The following FBN3 variants were observed in gnomAD, a reference collection of about 807,000 sequenced individuals.
The protein encoded by FBN3 is fibrillin 3, also known as fibrillin-3.
FBN3 carries 234 observed loss-of-function variants against 330.1 expected under a neutral mutation model. The ratio of observed to expected loss-of-function variants is 0.71; its 90% CI spans 0.64 to 0.79. FBN3 has a LOEUF of 0.79. FBN3 is among the 30% of genes least tolerant of loss of function. FBN3 has a pLI of 0.00. For missense variants in FBN3, 3,606 were observed against 3,886.9 expected (o/e 0.93, Z 1.92); for synonymous variants, 1,458 against 1,517.3 (o/e 0.96, Z 0.91).
chr19:8,088,267 G>C, intron 51 of FBN3, 88 bp from the exon 52 acceptor site: 1 of 1,476,316 alleles, frequency 6.8e-7, no homozygotes, highest in South Asian at 1.3e-5. Context: ...GACCACCACA[G>C]ATCGGAGGGG....
At chr19:8,143,683 G>T (rs1344135470) in intron 6 of FBN3, among the ~76,000 whole-genome samples, 1 of 151,662 alleles carries the variant, frequency 6.6e-6, no homozygotes, top group Non-Finnish European at 1.5e-5. Flanking sequence ...AGTAGAGATG[G>T]CTTTTGCCAT....
intron 42 of FBN3, 45 bp from the exon 43 acceptor site, chr19:8,097,051 TC>T (rs1393741732): frequency 1.4e-5 from 23 of 1,597,042 alleles, no homozygotes; most frequent in Non-Finnish European, 2.0e-5. Context: ...GAGAAGCCCA[TC>T]CTGACAGAAT....
Position 8,083,388 on chromosome 19 carries a change from G to A in FBN3, c.7088-16C>T. Reference sequence around the variant, plus strand: ...TCATCTACATCTGGGAAAAAGTAGGGTGCAAATGGGGCTGGCTGGCTGCTT... The same window carrying A: ...TCATCTACATCTGGGAAAAAGTAGGATGCAAATGGGGCTGGCTGGCTGCTT... On this transcript the variant is annotated splice_polypyrimidine_tract_variant and intron_variant, in intron 56 of 63. Coordinates refer to ENST00000600128, the MANE Select transcript of FBN3 (RefSeq NM_032447.5). The A allele has an allele frequency of 6.2e-7, 1 of 1,613,564 alleles. No individual in the cohort carries two copies.
intron 22 of FBN3, among the ~76,000 whole-genome samples, 193 bp from the exon 23 acceptor site, chr19:8,124,201 C>G (rs934359714): frequency 2.6e-5 from 4 of 151,454 alleles, no homozygotes; most frequent in African/African-American, 9.8e-5. Context: ...TAGCACTGTT[C>G]TAAGCCCCTC....
intron 62 of FBN3, 39 bp from the exon 63 acceptor site, chr19:8,072,237 G>C (rs531073968): frequency 6.7e-7 from 1 of 1,494,068 alleles, no homozygotes. Context: ...TTTCAGAGGC[G>C]GGCTGATGGG....
chr19:8,135,112 G>C (rs1466192340), intron 13 of FBN3, among the ~76,000 whole-genome samples: 1 of 151,184 alleles, frequency 6.6e-6, no homozygotes, highest in Non-Finnish European at 1.5e-5. Flanking sequence ...CTGAGTAGCT[G>C]GGACTACAGG....
chr19:8,097,435 CA>C (rs1253798010), intron 41 of FBN3, 21 bp from the exon 42 acceptor site: 7 of 1,576,944 alleles, frequency 4.4e-6, no homozygotes, highest in Non-Finnish European at 6.1e-6. Context: ...CATCTGCCAT[CA>C]GGGGCAGCCC....
chr19:8,135,936 G>GGGGGGGGGGCGCC, intron 13 of FBN3, 25 bp downstream of exon 13: 1 of 668,778 alleles, frequency 1.5e-6, no homozygotes, highest in Non-Finnish European at 2.4e-6. Flanking sequence ...GGAAGCCCCT[G>GGGGGGGGGGCGCC]CCCACCCGCC....
At chr19:8,117,325 G>T (rs776286150) in intron 27 of FBN3, 34 bp from the exon 28 acceptor site, 47 of 1,560,690 alleles carry the variant, frequency 3.0e-5, no homozygotes, top group Non-Finnish European at 3.7e-5. Flanking sequence ...GGCTGGGGCT[G>T]GGGGGAGGGG....
At chr19:8,091,754 A>G (rs1398372197) in intron 47 of FBN3, among the ~76,000 whole-genome samples, 164 bp from the exon 48 acceptor site, 1 of 152,204 alleles carries the variant, frequency 6.6e-6, no homozygotes, top group East Asian at 1.9e-4. Context: ...CGAGGTGGGC[A>G]TTGTGTGTGC....
In FBN3 at chr19:8,066,128, T is replaced by A. The variant is rs762783717; in HGVS notation, c.8221A>T (p.Ile2741Phe). The A allele has an allele frequency of 6.2e-7, 1 of 1,613,526 alleles. No homozygotes were observed. Among genetic ancestry groups the A allele is most frequent in the South Asian group, 1.1e-5 (1 of 91,074 alleles). The change falls in exon 64 of 64, where the codon ATC becomes TTC. Residue 2741 changes from isoleucine (I) to phenylalanine (F), a missense_variant. Physicochemically the swap from Ile to Phe is conservative, Grantham distance 21 (BLOSUM62 0). Transcript: ENST00000600128. ...EGLEGRIRYV[I>F]VRGNEQGFFR... ...AAACCTTGCTCGTTTCCGCGGACGA[T>A]GACGTAGCGGATCCGGCCCTCTAGA...
rs376379047 is a variant in FBN3 at position 8,080,913 on chromosome 19, C to A, written c.7453+90G>T. ...CTGGGATTACAGGCGTGAGCCATTGCGCCTGGCCAACTTGATATTTTTTTG... is the reference window on the plus strand; with the variant it reads ...CTGGGATTACAGGCGTGAGCCATTGAGCCTGGCCAACTTGATATTTTTTTG... On this transcript the variant is annotated intron_variant, in intron 59 of 63. Transcript: ENST00000600128. 6.4e-6 allele frequency: 6 copies of A among 930,860 alleles called. No individual in the cohort carries two copies. The East Asian group carries it at 7.5e-5, about 12-fold the overall frequency. The allele number at this position is 930,860 out of a possible 1,614,324, so 57.7% of individuals were successfully genotyped here. A position where few individuals can be genotyped will look rare whatever the true frequency, so the allele number is the denominator to read the frequency against.
chr19:8,120,624 C>T (rs1039841954), intron 25 of FBN3, among the ~76,000 whole-genome samples: 6 of 151,778 alleles, frequency 4.0e-5, no homozygotes, highest in South Asian at 2.1e-4. Flanking sequence ...GAGTAGCACG[C>T]GCCACCATGC....
intron 8 of FBN3, among the ~76,000 whole-genome samples, chr19:8,141,440 C>T (rs1212274675): frequency 6.6e-6 from 1 of 152,046 alleles, no homozygotes; most frequent in African/African-American, 2.4e-5. Flanking sequence ...CTCTCCCGCT[C>T]CAGCCCCTCG....
chr19:8,073,782 G>A (rs1326797954), intron 61 of FBN3, among the ~76,000 whole-genome samples: 1 of 152,094 alleles, frequency 6.6e-6, no homozygotes, highest in Non-Finnish European at 1.5e-5. Context: ...TGGGCTCAAG[G>A]GATCCTCCTG....
rs750181018 is a variant in FBN3, at chr19:8,094,575, G to C, written c.5786-10C>G. ...AGGCACTCATTGGTGTCTGTGAAAA[G>C]GAGGAAGAAAGGTCCTTGTGCCAGC... is the stretch of plus-strand genomic sequence containing the variant. On this transcript the variant is annotated splice_polypyrimidine_tract_variant and intron_variant, in intron 46 of 63. Coordinates refer to ENST00000600128, the MANE Select transcript of FBN3 (RefSeq NM_032447.5). 1.2e-6 allele frequency: 2 copies of C among 1,611,554 alleles called. No homozygotes were observed. The highest frequency in any genetic ancestry group is 2.7e-5 in the African/African-American group (2 of 75,028).
intron 14 of FBN3, among the ~76,000 whole-genome samples, chr19:8,132,699 C>G (rs922435740): frequency 1.5e-4 from 23 of 151,898 alleles, no homozygotes; most frequent in African/African-American, 5.6e-4. Flanking sequence ...ACCATTTTGG[C>G]CAGGCTGGTC....
chr19:8,067,968 G>A (rs1057220965), intron 63 of FBN3, among the ~76,000 whole-genome samples: 14 of 151,980 alleles, frequency 9.2e-5, no homozygotes, highest in African/African-American at 2.9e-4. Flanking sequence ...GGAGGCTGAG[G>A]TGGGAGGATC....
intron 13 of FBN3, among the ~76,000 whole-genome samples, chr19:8,134,750 A>G (rs1013189602): frequency 5.3e-5 from 8 of 151,474 alleles, no homozygotes; most frequent in Non-Finnish European, 1.0e-4. Flanking sequence ...CCTGGCCAAC[A>G]TGGTGAAACC....
Sources: gnomAD v4.1 joint callset for allele counts (sites outside exome capture counted in the v4.1 genomes callset) on GRCh38, gnomAD v4.1.1 for gene constraint, MANE v1.5 for transcripts, NCBI Gene and HGNC (gene_info 2026-07-23, HGNC 2026-07-21) for gene names.